The following TAB2 variants were observed in gnomAD, a reference collection of about 807,000 sequenced individuals.
The protein encoded by TAB2 is TGF-beta-activated kinase 1 and MAP3K7-binding protein 2.
Under a neutral mutation model 65.0 loss-of-function variants are expected in TAB2, and 3 were observed. That is an observed-to-expected ratio of 0.05 (90% CI 0.02 to 0.12). The LOEUF (loss-of-function observed/expected upper bound fraction) is 0.12. Among genes scored for constraint, TAB2 ranks in the 10% least tolerant of loss-of-function variants. TAB2 has a pLI of 1.00. For synonymous variants in TAB2, 298 were observed against 285.1 expected, an observed-to-expected ratio of 1.05 and a Z score of -0.46; for missense variants, 623 against 840.3, an observed-to-expected ratio of 0.74 and a Z score of 3.20.
intron 1 of TAB2, among the ~76,000 whole-genome samples, chr6:149,226,678 T>G (rs888137069): frequency 1.3e-5 from 2 of 152,248 alleles, no homozygotes; most frequent in African/African-American, 2.4e-5. Context: ...GTTCACTTAA[T>G]GCTGTGTTTT....
intron 3 of TAB2, among the ~76,000 whole-genome samples, chr6:149,384,191 A>G (rs1781712064): frequency 6.6e-6 from 1 of 152,224 alleles, no homozygotes; most frequent in Admixed American, 6.5e-5. Flanking sequence ...TCATAGGAAA[A>G]TACTTTTTCC....
At chr6:149,408,737 G>A (rs776440863) in intron 6 of TAB2, among the ~76,000 whole-genome samples, 2 of 151,960 alleles carry the variant, frequency 1.3e-5, no homozygotes, top group South Asian at 2.1e-4. Flanking sequence ...AAATGTAATC[G>A]CTTGTTAGAG....
At chr6:149,224,270 A>C (rs1224379861) in intron 1 of TAB2, among the ~76,000 whole-genome samples, 1 of 152,228 alleles carries the variant, frequency 6.6e-6, no homozygotes, top group African/African-American at 2.4e-5. Context: ...AATTGCATTT[A>C]AGTATTATCT....
At chr6:149,409,430 C>G (rs1401134628) in intron 6 of TAB2, 147 bp from the exon 7 acceptor site, 2 of 694,222 alleles carry the variant, frequency 2.9e-6, no homozygotes, top group African/African-American at 3.6e-5. Flanking sequence ...TGGTAGTGAT[C>G]GAGCATGTGT....
intron 2 of TAB2, among the ~76,000 whole-genome samples, chr6:149,370,300 C>G (rs948866632): frequency 6.6e-6 from 1 of 152,142 alleles, no homozygotes; most frequent in African/African-American, 2.4e-5. Context: ...TAATACTTGA[C>G]TTGTAGAGTA....
intron 1 of TAB2, among the ~76,000 whole-genome samples, chr6:149,363,577 C>G (rs921129004): frequency 3.3e-5 from 5 of 152,012 alleles, no homozygotes; most frequent in African/African-American, 1.2e-4. Flanking sequence ...TTTGAAAATC[C>G]ATCTTTAAAC....
intron 1 of TAB2, among the ~76,000 whole-genome samples, chr6:149,223,200 T>C (rs913995128): frequency 1.3e-5 from 2 of 152,206 alleles, no homozygotes; most frequent in African/African-American, 4.8e-5. Context: ...GGTAAGACAA[T>C]GAGGATTCAC....
intron 1 of TAB2, among the ~76,000 whole-genome samples, chr6:149,311,385 C>G (rs960883931): frequency 2.0e-5 from 3 of 152,202 alleles, no homozygotes; most frequent in East Asian, 1.9e-4. Context: ...CTTCTCCTCT[C>G]GAAACTCCCA....
intron 2 of TAB2, among the ~76,000 whole-genome samples, chr6:149,377,212 A>G (rs1459567266): frequency 6.6e-6 from 1 of 151,408 alleles, no homozygotes; most frequent in Admixed American, 6.6e-5. Context: ...CTGGGACTAC[A>G]GGCGCCCGCC....
intron 3 of TAB2, among the ~76,000 whole-genome samples, chr6:149,380,382 C>T (rs139007567): frequency 9.2e-5 from 14 of 152,242 alleles, no homozygotes; most frequent in Non-Finnish European, 1.6e-4. Flanking sequence ...CTTTTATTCT[C>T]CCTTAAATGT....
At chr6:149,239,152 T>C (rs897804996) in intron 1 of TAB2, among the ~76,000 whole-genome samples, 3 of 152,216 alleles carry the variant, frequency 2.0e-5, no homozygotes, top group Non-Finnish European at 2.9e-5. Context: ...TCACTGCAGA[T>C]ACCACACAGG....
At chr6:149,275,493 GAGA>G (rs983285266) in intron 1 of TAB2, among the ~76,000 whole-genome samples, 52 of 152,234 alleles carry the variant, frequency 3.4e-4, no homozygotes, top group African/African-American at 1.2e-3. Flanking sequence ...TAAATTTATG[GAGA>G]AGAAGAGACA....
chr6:149,223,669 A>T (rs983159783), intron 1 of TAB2, among the ~76,000 whole-genome samples: 1 of 152,176 alleles, frequency 6.6e-6, no homozygotes, highest in Non-Finnish European at 1.5e-5. Flanking sequence ...GAGAGTTCTC[A>T]TGTTGTTTCA....
intron 1 of TAB2, among the ~76,000 whole-genome samples, chr6:149,309,740 T>A (rs531813951): frequency 5.3e-4 from 81 of 152,214 alleles, no homozygotes; most frequent in Middle Eastern, 3.4e-3. Flanking sequence ...GCTATTCTTC[T>A]TCATTGATTT....
rs1321758913 is a variant in TAB2, at chr6:149,398,081, G to A, written c.1858+19G>A. On this transcript the variant is annotated intron_variant, in intron 5 of 6. Transcript: ENST00000637181. ...GCCCGAGGTAAAGTTCAGTGTATTT[G>A]TAGCTGAAATTCATCGTATTTAATT... is the stretch of plus-strand genomic sequence containing the variant. The A allele has an allele frequency of 1.9e-6, 3 of 1,601,302 alleles. No individual in the cohort carries two copies. The highest frequency in any genetic ancestry group is 2.2e-5 in the East Asian group (1 of 44,700).
At chr6:149,343,060 A>G (rs555569967) in intron 1 of TAB2, among the ~76,000 whole-genome samples, 3 of 152,312 alleles carry the variant, frequency 2.0e-5, no homozygotes, top group East Asian at 1.9e-4. Context: ...ATGCAAAAAC[A>G]TAAGAAAAAT....
intron 1 of TAB2, among the ~76,000 whole-genome samples, chr6:149,254,833 T>C (rs369240426): frequency 1.1e-4 from 16 of 152,330 alleles, no homozygotes; most frequent in Admixed American, 3.3e-4. Context: ...GACTGTACTA[T>C]AGAAAAATGC....
In TAB2 at chr6:149,400,758, A is replaced by G. The variant is rs957777109; in HGVS notation, c.1939+1574A>G. ...CTGCATTCTCAATTAGAAAACTGCAATTTGGTTCCACCACATTCTGACTAC... is the reference window on the plus strand; with the variant it reads ...CTGCATTCTCAATTAGAAAACTGCAGTTTGGTTCCACCACATTCTGACTAC... On this transcript the variant is annotated intron_variant, in intron 6 of 6. Transcript: ENST00000637181. The G allele has an allele frequency of 3.4e-5, 51 of 1,493,938 alleles. No individual in the cohort carries two copies. In the East Asian group the frequency reaches 3.6e-4, roughly 11 times the overall value. The allele number at this position is 1,493,938 out of a possible 1,614,324, so 92.5% of individuals were successfully genotyped here. A position where few individuals can be genotyped will look rare whatever the true frequency, so the allele number is the denominator to read the frequency against.
At chr6:149,393,052 A>G (rs1447470400) in intron 3 of TAB2, among the ~76,000 whole-genome samples, 1 of 152,220 alleles carries the variant, frequency 6.6e-6, no homozygotes, top group Non-Finnish European at 1.5e-5. Flanking sequence ...ATTCCTATCT[A>G]AAAATCTCAA....
Sources: allele counts gnomAD v4.1 joint callset (sites outside exome capture counted in the v4.1 genomes callset), GRCh38; gene constraint gnomAD v4.1.1; transcripts MANE v1.5; gene names NCBI Gene and HGNC (gene_info 2026-07-23, HGNC 2026-07-21).